Variants in CAPS2 observed in about 807,000 individuals in gnomAD.
The protein encoded by CAPS2 is calcyphosin-2.
A neutral mutation model predicts 86.5 loss-of-function variants in CAPS2; 98 were observed. The observed-to-expected ratio is 1.13, with a 90% CI of 0.96 to 1.34. CAPS2 has a LOEUF of 1.34. Ranked by LOEUF, CAPS2 falls within the 40% of genes most tolerant of loss-of-function variation. The pLI is 0.00. For synonymous variants in CAPS2, 210 were observed against 225.1 expected, an observed-to-expected ratio of 0.93 and a Z score of 0.60; for missense variants, 729 against 686.8, an observed-to-expected ratio of 1.06 and a Z score of -0.69.
chr12:75,374,867 C>G (rs765850787), intron 1 of CAPS2, among the ~76,000 whole-genome samples: 1 of 152,172 alleles, frequency 6.6e-6, no homozygotes, highest in African/African-American at 2.4e-5. Context: ...ACACATGGTA[C>G]AGCAGCTGCA....
At chr12:75,278,097 G>A (rs1334388974) in exon 17 of CAPS2, 5 of 897,450 alleles carry the variant, frequency 5.6e-6, no homozygotes, top group African/African-American at 3.6e-5. Flanking sequence ...ATAATGTATT[G>A]ATTTTAATAA....
chr12:75,331,624 C>T (rs890827635), upstream of CAPS2, among the ~76,000 whole-genome samples: 4 of 150,640 alleles, frequency 2.7e-5, no homozygotes, highest in Non-Finnish European at 5.9e-5. Context: ...AGTGCAGTGG[C>T]GGGATCTCGG....
At chr12:75,280,830 A>T (rs1430868719) in intron 16 of CAPS2, among the ~76,000 whole-genome samples, 1 of 151,918 alleles carries the variant, frequency 6.6e-6, no homozygotes, top group South Asian at 2.1e-4. Flanking sequence ...TTCATTTCAT[A>T]CTTAAAAGTA....
At chr12:75,276,227 TG>T (rs752103388), downstream of CAPS2, 21 of 1,544,606 alleles carry the variant, frequency 1.4e-5, no homozygotes, top group East Asian at 5.2e-4. Flanking sequence ...AGCATTTTCA[TG>T]TTTGTCCTTG....
chr12:75,340,427 C>G (rs1193302859), intron 1 of CAPS2, among the ~76,000 whole-genome samples: 1 of 151,390 alleles, frequency 6.6e-6, no homozygotes, highest in Non-Finnish European at 1.5e-5. Context: ...ACCTAAAGAG[C>G]AAAAATTAAC....
chr12:75,389,368 T>C (rs997629151), intron 1 of CAPS2, among the ~76,000 whole-genome samples: 2 of 152,174 alleles, frequency 1.3e-5, no homozygotes, highest in African/African-American at 4.8e-5. Context: ...TTGAATGAGA[T>C]GTCTAGCAGT....
At chr12:75,315,687 C>A (rs182124188) in intron 6 of CAPS2, among the ~76,000 whole-genome samples, 140 of 152,304 alleles carry the variant, frequency 9.2e-4, no homozygotes, top group Admixed American at 1.5e-3. Context: ...ACCACACTGG[C>A]ATTCCAACAA....
At chr12:75,372,495 A>G (rs1352424767) in intron 1 of CAPS2, among the ~76,000 whole-genome samples, 1 of 152,156 alleles carries the variant, frequency 6.6e-6, no homozygotes, top group African/African-American at 2.4e-5. Flanking sequence ...AGATCTGTAG[A>G]CCAGCAGAAC....
In CAPS2 at chr12:75,314,225, TTA is replaced by T. The variant is rs1288251905; in HGVS notation, c.592-1312_592-1311del. The stretch of plus-strand genomic sequence containing the variant: ...ATGAGCCACCATGGCCAGCCTAAAT[TTA>T]GTTTTAATAATAATGTTAAACCAAA... On this transcript the variant is annotated intron_variant, in intron 6 of 16. Coordinates refer to ENST00000393284, the Ensembl canonical transcript of CAPS2. 3.3e-5 allele frequency among the ~76,000 whole-genome samples: 5 copies of T among 152,236 alleles called. No individual in the cohort carries two copies. In the East Asian group the frequency reaches 9.7e-4, roughly 29 times the overall value.
chr12:75,321,489 C>T lies in CAPS2; in HGVS notation c.379G>A (p.Gly127Ser), dbSNP rs766732646. Residue 127 changes from glycine (G) to serine (S), a missense_variant, in exon 5 of 17, where the codon GGC becomes AGC. Coordinates refer to ENST00000393284, the Ensembl canonical transcript of CAPS2. ...TTTCTCTGACTATACTGCTTATAGC[C>T]CTCTTTAATTTCAGTTTTACATTGC... 5.2e-6 allele frequency: 8 copies of T among 1,546,052 alleles called. No individual in the cohort carries two copies. In the African/African-American group the frequency reaches 5.5e-5, roughly 11 times the overall value.
intron 1 of CAPS2, among the ~76,000 whole-genome samples, chr12:75,378,437 G>A (rs1189848637): frequency 6.6e-6 from 1 of 152,140 alleles, no homozygotes; most frequent in African/African-American, 2.4e-5. Flanking sequence ...AGGAAGAGGT[G>A]GAGTGGGAGA....
intron 15 of CAPS2, among the ~76,000 whole-genome samples, chr12:75,283,743 G>A (rs1224636731): frequency 6.6e-6 from 1 of 152,080 alleles, no homozygotes; most frequent in Non-Finnish European, 1.5e-5. Flanking sequence ...GAACCCAGAA[G>A]GTGGAGGTTG....
In CAPS2 at chr12:75,279,413, T is replaced by C. The variant is rs74110640; in HGVS notation, c.1613-348A>G. ...TGAAAAGAGAATAAACAGAGGCCCA[T>C]ATATAATAGTAGAAAAAGGGTCAAA... On this transcript the variant is annotated intron_variant, in intron 16 of 16. Transcript: ENST00000393284. Among the ~76,000 whole-genome samples the C allele has an allele frequency of 8.3e-3, 1,259 of 152,002 alleles. 22 individuals are homozygous for C. The highest frequency in any genetic ancestry group is 0.029 in the African/African-American group (1,185 of 41,482).
At chr12:75,287,778 C>A (rs2035158950) in intron 14 of CAPS2, among the ~76,000 whole-genome samples, 1 of 152,110 alleles carries the variant, frequency 6.6e-6, no homozygotes, top group Non-Finnish European at 1.5e-5. Context: ...GCTGCTCCAG[C>A]AAATTAATTG....
At chr12:75,366,087 A>G (rs1168522922) in intron 1 of CAPS2, among the ~76,000 whole-genome samples, 1 of 152,294 alleles carries the variant, frequency 6.6e-6, no homozygotes, top group East Asian at 1.9e-4. Context: ...TTTATTTATT[A>G]AAGATTTTAT....
At chr12:75,333,088 C>T (rs572542353), upstream of CAPS2, among the ~76,000 whole-genome samples, 1 of 152,244 alleles carries the variant, frequency 6.6e-6, no homozygotes, top group South Asian at 2.1e-4. Context: ...GTCTTTTGGG[C>T]CATACCTAGG....
chr12:75,336,087 G>A (rs1322003340), intron 1 of CAPS2, among the ~76,000 whole-genome samples: 1 of 151,826 alleles, frequency 6.6e-6, no homozygotes, highest in East Asian at 1.9e-4. Flanking sequence ...GAAGTGAAGT[G>A]TCAATAGAAT....
intron 7 of CAPS2, among the ~76,000 whole-genome samples, chr12:75,308,818 T>TA (rs111949847): frequency 0.018 from 2,534 of 144,672 alleles, 65 homozygotes; most frequent in African/African-American, 0.055. Flanking sequence ...AAAAGTGAGA[T>TA]TAAAAAAAAT....
intron 1 of CAPS2, among the ~76,000 whole-genome samples, chr12:75,345,542 C>T (rs1157089153): frequency 6.6e-6 from 1 of 152,070 alleles, no homozygotes; most frequent in Non-Finnish European, 1.5e-5. Context: ...TTGTTCTTAT[C>T]AGAGGTGCAG....
Sources: gnomAD v4.1 joint callset for allele counts (sites outside exome capture counted in the v4.1 genomes callset) on GRCh38, gnomAD v4.1.1 for gene constraint, MANE v1.5 for transcripts, NCBI Gene and HGNC (gene_info 2026-07-23, HGNC 2026-07-21) for gene names.